ZNF644: variants seen among roughly 807,000 people sequenced by gnomAD.
The protein encoded by ZNF644 is zinc finger protein 644.
ZNF644 carries 20 observed loss-of-function variants against 108.0 expected under a neutral mutation model. The ratio of observed to expected loss-of-function variants is 0.19; its 90% CI spans 0.13 to 0.27. ZNF644 has a LOEUF of 0.27. ZNF644 is among the 10% of genes least tolerant of loss of function. The probability of loss-of-function intolerance (pLI) is 1.00; values close to 1 mark genes in which losing one functional copy is unlikely to be tolerated. For missense variants in ZNF644, 1,338 were observed against 1,548.9 expected (o/e 0.86, Z 2.29); for synonymous variants, 542 against 539.1 (o/e 1.01, Z -0.08).
intron 1 of ZNF644, among the ~76,000 whole-genome samples, chr1:90,983,054 G>T (rs1436887074): frequency 6.6e-6 from 1 of 151,866 alleles, no homozygotes; most frequent in Non-Finnish European, 1.5e-5. Flanking sequence ...CAGAACTTCT[G>T]AAAACTCAGT....
intron 4 of ZNF644, among the ~76,000 whole-genome samples, chr1:90,928,378 C>A (rs1369805755): frequency 6.9e-6 from 1 of 145,204 alleles, no homozygotes; most frequent in Non-Finnish European, 1.5e-5. Flanking sequence ...AATGCAATGG[C>A]ACAATCTCGG....
At chr1:91,015,430 C>A (rs759401574) in intron 1 of ZNF644, among the ~76,000 whole-genome samples, 27 of 152,192 alleles carry the variant, frequency 1.8e-4, no homozygotes, top group Non-Finnish European at 3.7e-4. Flanking sequence ...TCCTCACTCT[C>A]ATCTTGGGTT....
intron 2 of ZNF644, among the ~76,000 whole-genome samples, chr1:90,959,781 A>G (rs142361566): frequency 1.3e-5 from 2 of 152,298 alleles, no homozygotes; most frequent in East Asian, 3.9e-4. Flanking sequence ...ACACTTTAGA[A>G]ACTAGAGAGC....
intron 1 of ZNF644, among the ~76,000 whole-genome samples, chr1:91,002,290 C>T (rs1038808715): frequency 3.3e-5 from 5 of 152,102 alleles, no homozygotes; most frequent in African/African-American, 9.6e-5. Flanking sequence ...ACTACAAGGC[C>T]ACAGTAATCA....
chr1:90,952,065 C>T (rs1247252590), intron 2 of ZNF644, among the ~76,000 whole-genome samples: 1 of 152,142 alleles, frequency 6.6e-6, no homozygotes, highest in Non-Finnish European at 1.5e-5. Context: ...CTCTCTCTCA[C>T]CCCTCTCCCT....
rs1183877119 is a variant in ZNF644 at position 91,011,210 on chromosome 1, CAA to C, written c.-18+10778_-18+10779del. Among the ~76,000 whole-genome samples the C allele has an allele frequency of 7.2e-5, 11 of 152,180 alleles. No homozygotes were observed. In the East Asian group the frequency reaches 1.5e-3, roughly 21 times the overall value. ...GACAGGTGAGATTTTATTATTTCTT[CAA>C]GACAAATACTGAAATCCCTGGAGCA... On this transcript the variant is annotated intron_variant, in intron 1 of 5. Transcript: ENST00000337393.
chr1:90,965,805 A>G (rs1447020374), intron 2 of ZNF644, among the ~76,000 whole-genome samples: 1 of 152,126 alleles, frequency 6.6e-6, no homozygotes, highest in Non-Finnish European at 1.5e-5. Flanking sequence ...GCTGGAACGC[A>G]GTGGCATGAT....
chr1:90,952,422 G>T (rs1306564822), intron 2 of ZNF644, among the ~76,000 whole-genome samples: 3 of 152,132 alleles, frequency 2.0e-5, no homozygotes. Context: ...AAAACAGTAT[G>T]TAGACCACTG....
At chr1:91,011,900 A>G (rs1324466279) in intron 1 of ZNF644, among the ~76,000 whole-genome samples, 3 of 152,194 alleles carry the variant, frequency 2.0e-5, no homozygotes, top group African/African-American at 7.2e-5. Flanking sequence ...AAAACCATCT[A>G]TATAAGGAGG....
intron 4 of ZNF644, among the ~76,000 whole-genome samples, chr1:90,920,919 GAGC>G (rs1649356572): frequency 6.6e-6 from 1 of 151,944 alleles, no homozygotes; most frequent in Admixed American, 6.6e-5. Flanking sequence ...TTATATTTTT[GAGC>G]AGGTGAAACA....
chr1:90,966,092 T>C (rs1308314577), intron 2 of ZNF644, among the ~76,000 whole-genome samples: 1 of 152,108 alleles, frequency 6.6e-6, no homozygotes, highest in Admixed American at 6.6e-5. Flanking sequence ...CCTTACTATT[T>C]CTCGACTATG....
intron 2 of ZNF644, chr1:90,972,874 C>G (rs1655632956): frequency 6.6e-6 from 1 of 152,120 alleles, no homozygotes; most frequent in South Asian, 2.1e-4. Flanking sequence ...AAGACAAACA[C>G]TATATGATTC....
intron 4 of ZNF644, among the ~76,000 whole-genome samples, chr1:90,933,685 G>A (rs1766159): frequency 1.1e-3 from 14 of 12,966 alleles, no homozygotes; most frequent in Non-Finnish European, 3.3e-3. Context: ...ATAAATAAAT[G>A]AACAAACCCA....
chr1:90,919,089 A>G lies in ZNF644; in HGVS notation c.3689-935T>C, dbSNP rs893812477. Among the ~76,000 whole-genome samples the G allele has an allele frequency of 2.0e-5, 3 of 152,292 alleles. No homozygotes were observed. The East Asian group carries it at 5.8e-4, about 29-fold the overall frequency. On this transcript the variant is annotated intron_variant, in intron 4 of 5. Transcript: ENST00000337393. ...CTAAAACAACCTGATTTTAAAAAGA[A>G]AAAAAGGTATTTTTTATAGGTAGCA...
chr1:90,978,702 T>C (rs1394350602), intron 2 of ZNF644, among the ~76,000 whole-genome samples: 2 of 152,150 alleles, frequency 1.3e-5, no homozygotes, highest in Non-Finnish European at 2.9e-5. Context: ...GAGGTACAGC[T>C]AGCAGCCTCT....
At chr1:90,977,729 A>T (rs1656149667) in intron 2 of ZNF644, among the ~76,000 whole-genome samples, 1 of 152,204 alleles carries the variant, frequency 6.6e-6, no homozygotes, top group Non-Finnish European at 1.5e-5. Flanking sequence ...TACTGCTACA[A>T]ATTATCCTGA....
intron 1 of ZNF644, among the ~76,000 whole-genome samples, chr1:91,018,979 G>A: frequency 6.6e-6 from 1 of 152,106 alleles, no homozygotes; most frequent in East Asian, 1.9e-4. Context: ...GAAAGTGTAA[G>A]TAAATCCACT....
At chr1:91,003,463 T>G (rs1659090938) in intron 1 of ZNF644, among the ~76,000 whole-genome samples, 1 of 151,682 alleles carries the variant, frequency 6.6e-6, no homozygotes. Flanking sequence ...TTCTCACTCA[T>G]AGGTGGGAAT....
intron 4 of ZNF644, among the ~76,000 whole-genome samples, chr1:90,927,614 A>C (rs1055011283): frequency 2.0e-5 from 3 of 152,162 alleles, no homozygotes; most frequent in Non-Finnish European, 4.4e-5. Flanking sequence ...TACCTTGCTA[A>C]TCACTTATAA....
Sources: gnomAD v4.1 joint callset for allele counts (sites outside exome capture counted in the v4.1 genomes callset) on GRCh38, gnomAD v4.1.1 for gene constraint, MANE v1.5 for transcripts, NCBI Gene and HGNC (gene_info 2026-07-23, HGNC 2026-07-21) for gene names.